ADCY7: variants seen among roughly 807,000 people sequenced by gnomAD.
ADCY7 encodes adenylate cyclase 7.
ADCY7 carries 72 observed loss-of-function variants against 120.6 expected under a neutral mutation model. The ratio of observed to expected loss-of-function variants is 0.60; its 90% CI spans 0.49 to 0.73. The LOEUF is 0.73. Ranked by LOEUF, ADCY7 falls within the 30% of genes least tolerant of loss-of-function variation. The pLI, the probability that ADCY7 is intolerant of heterozygous loss-of-function variation, is 0.00. For missense variants in ADCY7, 1,227 were observed against 1,486.0 expected, an observed-to-expected ratio of 0.83 and a Z score of 2.87; for synonymous variants, 661 against 628.0, an observed-to-expected ratio of 1.05 and a Z score of -0.78.
intron 15 of ADCY7, among the ~76,000 whole-genome samples, chr16:50,307,381 C>T (rs192508722): frequency 1.1e-3 from 165 of 148,080 alleles, no homozygotes; most frequent in African/African-American, 3.9e-3. Flanking sequence ...TCCTCAGCCA[C>T]CTGTCATATG....
Position 50,292,717 on chromosome 16 carries a change from A to G in ADCY7, c.579A>G (p.Thr193=). The change falls in exon 5 of 26, where the codon ACA becomes ACG. Residue 193 remains threonine, a synonymous_variant. Coordinates refer to ENST00000673801, the MANE Select transcript of ADCY7 (RefSeq NM_001114.5). The part of the protein sequence containing the change: ...NAVIFLCGNL[T]GAFHKHQMQD... The stretch of plus-strand genomic sequence containing the variant: ...TCATCTTCCTGTGTGGGAACCTGAC[A>G]GGCGCCTTCCACAAGCACCAAATGC... 1 of 1,613,940 alleles carries G rather than the reference A, an allele frequency of 6.2e-7. No homozygotes were observed. Among genetic ancestry groups the G allele is most frequent in the Non-Finnish European group, 8.5e-7 (1 of 1,179,986 alleles).
chr16:50,307,356 T>C (rs1437173210), intron 15 of ADCY7, among the ~76,000 whole-genome samples: 2 of 151,506 alleles, frequency 1.3e-5, no homozygotes, highest in Non-Finnish European at 3.0e-5. Context: ...GCCTCCCTAC[T>C]CCCTAACGTC....
intron 4 of ADCY7, 180 bp from the exon 5 acceptor site, chr16:50,292,496 A>G (rs1047964437): frequency 5.7e-6 from 4 of 698,800 alleles, no homozygotes; most frequent in Non-Finnish European, 9.3e-6. Flanking sequence ...GTGACTCACT[A>G]GGAGACTAGC....
chr16:50,265,836 C>T (rs950086381), upstream of ADCY7, among the ~76,000 whole-genome samples: 8 of 152,246 alleles, frequency 5.3e-5, no homozygotes, highest in African/African-American at 1.4e-4. Flanking sequence ...GGAGTCTCCA[C>T]TCTCTCCTCT....
rs1223252813 is a variant in ADCY7, at chr16:50,304,503, G to C, written c.1512G>C (p.Glu504Asp). 3 of 1,601,346 alleles carry C rather than the reference G, an allele frequency of 1.9e-6. No individual in the cohort carries two copies. The highest frequency in any genetic ancestry group is 1.7e-5 in the Admixed American group (1 of 57,584). ...ARPFAHLNHR[E>D]SVSSGETHVP... ...CCTTTGCACATCTCAACCACCGTGA[G>C]AGCGTGAGCAGTGGTGAGACCCACG... is the stretch of plus-strand genomic sequence containing the variant. Residue 504 changes from glutamate (E) to aspartate (D), a missense_variant, in exon 11 of 26, where the codon GAG (glutamate) becomes GAC (aspartate). By Grantham distance (45) the Glu-to-Asp change is conservative (BLOSUM62 2). Transcript: ENST00000673801.
intron 14 of ADCY7, among the ~76,000 whole-genome samples, chr16:50,306,670 T>TG (rs1225028287): frequency 6.6e-6 from 1 of 152,048 alleles, no homozygotes; most frequent in Non-Finnish European, 1.5e-5. Flanking sequence ...TCCATGTACT[T>TG]GGGGCCATGA....
intron 1 of ADCY7, among the ~76,000 whole-genome samples, chr16:50,247,049 T>TTGAATGAATGAATGAA: frequency 6.6e-6 from 1 of 151,922 alleles, no homozygotes; most frequent in East Asian, 1.9e-4. Flanking sequence ...GCTCCAGAGA[T>TTGAATGAATGAATGAA]TGAATGAATG....
At chr16:50,314,828 C>G (rs934493901) in intron 24 of ADCY7, 186 bp from the exon 25 acceptor site, 2 of 661,336 alleles carry the variant, frequency 3.0e-6, no homozygotes, top group South Asian at 2.3e-5. Flanking sequence ...AAGAGCTGGC[C>G]GGGGAATGCC....
chr16:50,305,875 G>T lies in ADCY7; in HGVS notation c.1752+26G>T, dbSNP rs190789127. The T allele has an allele frequency of 5.6e-6, 9 of 1,610,508 alleles. No homozygotes were observed. In the East Asian group the frequency reaches 1.6e-4, roughly 28 times the overall value. On this transcript the variant is annotated intron_variant, in intron 14 of 25. Coordinates refer to ENST00000673801, the MANE Select transcript of ADCY7 (RefSeq NM_001114.5). The stretch of plus-strand genomic sequence containing the variant: ...GTGAGGGCCCCCAGCAGCCTCCTCC[G>T]CAGAGGGACGGGGTCTCCAGGCCTG...
In ADCY7 at chr16:50,312,871, C is replaced by A. The variant is rs112719415; in HGVS notation, c.2605-19C>A. 1.2e-6 allele frequency: 2 copies of A among 1,601,952 alleles called. No homozygotes were observed. Among genetic ancestry groups the A allele is most frequent in the African/African-American group, 1.3e-5 (1 of 74,486 alleles). Reference sequence around the variant, plus strand: ...CTCAAGAGGTGAAGTGGTGTAAGGTCCGGTTTCTTCCCATCCAGGACTGGT... The same window carrying A: ...CTCAAGAGGTGAAGTGGTGTAAGGTACGGTTTCTTCCCATCCAGGACTGGT... On this transcript the variant is annotated intron_variant, in intron 21 of 25. Coordinates refer to ENST00000673801, the MANE Select transcript of ADCY7 (RefSeq NM_001114.5).
chr16:50,266,702 G>C (rs2033235220), intron 1 of ADCY7, 22 bp downstream of exon 1: 3 of 153,048 alleles, frequency 2.0e-5, no homozygotes, highest in Admixed American at 1.3e-4. Context: ...GTGTGGGGAT[G>C]GAGTGTCACC....
chr16:50,309,030 C>A, intron 17 of ADCY7: 1 of 449,820 alleles, frequency 2.2e-6, no homozygotes, highest in South Asian at 4.5e-5. Flanking sequence ...ATGCCTTGAG[C>A]CACCACATCC....
At chr16:50,308,622 G>A (rs1347910013) in intron 16 of ADCY7, 45 bp from the exon 17 acceptor site, 3 of 1,585,998 alleles carry the variant, frequency 1.9e-6, no homozygotes, top group Admixed American at 3.4e-5. Flanking sequence ...AGCCCTCCTT[G>A]CCCAGGCTGT....
intron 1 of ADCY7, among the ~76,000 whole-genome samples, chr16:50,269,162 C>T (rs371352349): frequency 3.3e-5 from 5 of 152,370 alleles, no homozygotes; most frequent in African/African-American, 9.6e-5. Flanking sequence ...TCCACCGCTC[C>T]ATATGGTAGG....
intron 1 of ADCY7, among the ~76,000 whole-genome samples, chr16:50,259,637 C>T (rs1171248893): frequency 6.6e-6 from 1 of 152,150 alleles, no homozygotes; most frequent in Non-Finnish European, 1.5e-5. Flanking sequence ...TGAAGTCGGG[C>T]TGTTCATCTT....
At chr16:50,314,108 A>C (rs761607740) in intron 23 of ADCY7, 46 bp downstream of exon 23, 1 of 1,571,946 alleles carries the variant, frequency 6.4e-7, no homozygotes, top group Non-Finnish European at 8.7e-7. Context: ...TCCTCACTTA[A>C]AGGTGACCTG....
At chr16:50,304,839 C>G (rs1032898959) in intron 11 of ADCY7, 86 bp from the exon 12 acceptor site, 3 of 1,564,936 alleles carry the variant, frequency 1.9e-6, no homozygotes, top group East Asian at 4.5e-5. Context: ...TATCAAGTGC[C>G]GGAGGGGCTG....
Position 50,251,773 on chromosome 16 carries a change from C to T in ADCY7, c.-64+5570C>T, listed in dbSNP as rs552673493. 2.7e-4 allele frequency among the ~76,000 whole-genome samples: 41 copies of T among 152,318 alleles called. 1 individual carries two copies. The highest frequency in any genetic ancestry group is 6.5e-4 in the African/African-American group (27 of 41,578). The stretch of plus-strand genomic sequence containing the variant: ...AGCCAGCCTTGCCTGTCATTGTCCC[C>T]GCCTGGCCTCCGGGGGCTCCCAGTT... On this transcript the variant is annotated intron_variant, in intron 1 of 4. Coordinates refer to the ADCY7 transcript ENST00000564044.
intron 1 of ADCY7, among the ~76,000 whole-genome samples, chr16:50,247,808 G>A (rs1352821722): frequency 1.3e-5 from 2 of 152,104 alleles, no homozygotes; most frequent in Admixed American, 1.3e-4. Context: ...TCCTCTGCTC[G>A]TTCGGGATCC....
Sources: allele counts gnomAD v4.1 joint callset (sites outside exome capture counted in the v4.1 genomes callset), GRCh38; gene constraint gnomAD v4.1.1; transcripts MANE v1.5; gene names NCBI Gene and HGNC (gene_info 2026-07-23, HGNC 2026-07-21).